Variants in FAM107B observed in about 807,000 individuals in gnomAD.
FAM107B encodes the protein family with sequence similarity 107 member B.
A neutral mutation model predicts 31.5 loss-of-function variants in FAM107B; 21 were observed. The observed-to-expected ratio is 0.67, with a 90% CI of 0.47 to 0.96. The LOEUF is 0.96. Ranked by LOEUF, FAM107B falls within the 40% of genes least tolerant of loss-of-function variation. The pLI is 0.00. For missense variants in FAM107B, 452 were observed against 377.1 expected (o/e 1.20, Z -1.64); for synonymous variants, 157 against 141.5 (o/e 1.11, Z -0.78).
At chr10:14,756,995 C>T (rs1463666124) in intron 1 of FAM107B, among the ~76,000 whole-genome samples, 1 of 152,032 alleles carries the variant, frequency 6.6e-6, no homozygotes, top group African/African-American at 2.4e-5. Context: ...GAACAACACA[C>T]ACTGGGGCCT....
chr10:14,580,406 A>G (rs1851598732), intron 2 of FAM107B, among the ~76,000 whole-genome samples: 1 of 152,142 alleles, frequency 6.6e-6, no homozygotes, highest in South Asian at 2.1e-4. Context: ...AAGAAACAGC[A>G]AGTGGTACAC....
intron 2 of FAM107B, among the ~76,000 whole-genome samples, chr10:14,645,764 C>A (rs1853736636): frequency 6.6e-6 from 1 of 152,192 alleles, no homozygotes; most frequent in Non-Finnish European, 1.5e-5. Flanking sequence ...CTATTCCCAG[C>A]TCCCAGATAA....
At chr10:14,589,323 A>AT (rs1851945327) in intron 2 of FAM107B, among the ~76,000 whole-genome samples, 1 of 152,228 alleles carries the variant, frequency 6.6e-6, no homozygotes, top group South Asian at 2.1e-4. Context: ...ATCTTATAAG[A>AT]GTCCTGAACC....
intron 1 of FAM107B, among the ~76,000 whole-genome samples, chr10:14,687,933 GA>G (rs762804912): frequency 1.4e-3 from 206 of 152,282 alleles, no homozygotes; most frequent in Middle Eastern, 3.4e-3. Context: ...TGATTGGATT[GA>G]AGGATGCAAA....
chr10:14,769,745 C>T (rs1223162959), intron 1 of FAM107B, among the ~76,000 whole-genome samples: 1 of 152,184 alleles, frequency 6.6e-6, no homozygotes, highest in Non-Finnish European at 1.5e-5. Context: ...ATTACTATCT[C>T]TTCCTATGTG....
chr10:14,643,172 G>A (rs1039706908), intron 2 of FAM107B, among the ~76,000 whole-genome samples: 3 of 151,994 alleles, frequency 2.0e-5, no homozygotes, highest in Non-Finnish European at 4.4e-5. Flanking sequence ...TGATTATGGA[G>A]GATGAGAATT....
At chr10:14,553,186 T>C in intron 2 of FAM107B, 2 of 274,438 alleles carry the variant, frequency 7.3e-6, no homozygotes, top group South Asian at 7.8e-5. Flanking sequence ...TTTTTACCTG[T>C]GTGTGAATGA....
At chr10:14,631,464 A>G (rs1297691354) in intron 2 of FAM107B, among the ~76,000 whole-genome samples, 3 of 152,192 alleles carry the variant, frequency 2.0e-5, no homozygotes, top group Non-Finnish European at 4.4e-5. Context: ...GAATCCATCT[A>G]TTTTTAGAGA....
At chr10:14,646,340 A>C (rs1014600725) in intron 2 of FAM107B, among the ~76,000 whole-genome samples, 5 of 150,882 alleles carry the variant, frequency 3.3e-5, no homozygotes, top group African/African-American at 1.2e-4. Context: ...ACCCCCGTCC[A>C]CCCTCCCTCC....
rs1190652363 is a variant in FAM107B, at chr10:14,671,893, C to CA, written c.412-4203dup. Among the ~76,000 whole-genome samples, 186 of 123,076 alleles carry CA rather than the reference C, an allele frequency of 1.5e-3. 3 individuals carry two copies. Among genetic ancestry groups the CA allele is most frequent in the East Asian group, 3.5e-3 (15 of 4,346 alleles). The allele number at this position is 123,076 out of a possible 152,430, so 80.7% of individuals were successfully genotyped here. A position where few individuals can be genotyped will look rare whatever the true frequency, so the allele number is the denominator to read the frequency against. On this transcript the variant is annotated intron_variant, in intron 1 of 4. Coordinates refer to ENST00000181796, the MANE Select transcript of FAM107B (RefSeq NM_031453.4). ...TATTTAAAAAAAAAAAACAAAAAAA[C>CA]AAAAAAAAAACCCTCTATTTCTTTT... is the stretch of plus-strand genomic sequence containing the variant.
chr10:14,623,444 G>C (rs781105989), intron 2 of FAM107B, among the ~76,000 whole-genome samples: 21 of 152,352 alleles, frequency 1.4e-4, no homozygotes, highest in South Asian at 6.2e-4. Context: ...ATTCAAAGGA[G>C]AGTGACCAAC....
At chr10:14,587,813 G>C (rs1223833018) in intron 2 of FAM107B, among the ~76,000 whole-genome samples, 1 of 152,114 alleles carries the variant, frequency 6.6e-6, no homozygotes, top group Non-Finnish European at 1.5e-5. Flanking sequence ...TCCTAGATTT[G>C]CACCAAGGAG....
intron 1 of FAM107B, among the ~76,000 whole-genome samples, chr10:14,718,680 A>ATT (rs1855839850): frequency 6.6e-6 from 1 of 152,196 alleles, no homozygotes; most frequent in Admixed American, 6.5e-5. Flanking sequence ...GCTGACATCC[A>ATT]AATCTAATTG....
At chr10:14,752,559 T>C (rs1008536462) in intron 1 of FAM107B, among the ~76,000 whole-genome samples, 1 of 152,180 alleles carries the variant, frequency 6.6e-6, no homozygotes, top group African/African-American at 2.4e-5. Flanking sequence ...AACCACGCTG[T>C]GGAGTTTAAT....
At chr10:14,596,942 C>T (rs535435589) in intron 2 of FAM107B, among the ~76,000 whole-genome samples, 2 of 152,134 alleles carry the variant, frequency 1.3e-5, no homozygotes, top group African/African-American at 4.8e-5. Flanking sequence ...GAAGACGACG[C>T]TGGGAAACAG....
chr10:14,638,622 C>T (rs1410071), intron 2 of FAM107B, among the ~76,000 whole-genome samples: 47,409 of 152,008 alleles, frequency 0.31, 8,019 homozygotes, highest in East Asian at 0.63. Flanking sequence ...TTTTGCCTGC[C>T]TTTCAGGGGA....
intron 2 of FAM107B, among the ~76,000 whole-genome samples, chr10:14,656,571 G>T (rs745981077): frequency 6.6e-6 from 1 of 152,134 alleles, no homozygotes; most frequent in Non-Finnish European, 1.5e-5. Flanking sequence ...CCAATGTGGG[G>T]GAAGGAAGTG....
At chr10:14,634,539 G>T (rs1853448070) in intron 2 of FAM107B, among the ~76,000 whole-genome samples, 1 of 152,046 alleles carries the variant, frequency 6.6e-6, no homozygotes, top group Non-Finnish European at 1.5e-5. Flanking sequence ...ATGAAATTCT[G>T]CTTCCAGTAA....
At chr10:14,588,988 C>G (rs1588638099) in intron 2 of FAM107B, among the ~76,000 whole-genome samples, 1 of 151,862 alleles carries the variant, frequency 6.6e-6, no homozygotes, top group East Asian at 1.9e-4. Flanking sequence ...TCGAGACCAG[C>G]CTGGTCAACG....
Sources: allele counts gnomAD v4.1 joint callset (sites outside exome capture counted in the v4.1 genomes callset), GRCh38; gene constraint gnomAD v4.1.1; transcripts MANE v1.5; gene names NCBI Gene and HGNC (gene_info 2026-07-23, HGNC 2026-07-21).